The following DCAF10 variants were observed in gnomAD, a reference collection of about 807,000 sequenced individuals.
The protein encoded by DCAF10 is DDB1 and CUL4 associated factor 10.
In DCAF10, 19 loss-of-function variants were observed where a neutral mutation model predicts 51.9. The observed-to-expected ratio is 0.37, with a 90% confidence interval of 0.26 to 0.54. The LOEUF (loss-of-function observed/expected upper bound fraction) is 0.54. Among genes scored for constraint, DCAF10 ranks in the 20% least tolerant of loss-of-function variants. The probability of loss-of-function intolerance (pLI) is 0.87; values close to 1 mark genes in which losing one functional copy is unlikely to be tolerated. For missense variants in DCAF10, 510 were observed against 730.6 expected (o/e 0.70, Z 3.48); for synonymous variants, 291 against 297.1 (o/e 0.98, Z 0.21).
At chr9:37,822,414 T>TATATATATATATATATATATAC (rs1829732205) in intron 2 of DCAF10, among the ~76,000 whole-genome samples, 2 of 41,262 alleles carry the variant, frequency 4.8e-5, no homozygotes. Context: ...GATATATATA[T>TATATATATATATATATATATAC]ATATATATAT....
chr9:37,852,395 C>T (rs1205908202), intron 3 of DCAF10, among the ~76,000 whole-genome samples: 3 of 152,000 alleles, frequency 2.0e-5, no homozygotes, highest in Non-Finnish European at 2.9e-5. Flanking sequence ...CCAGGAGTTC[C>T]AAGACTAGCC....
chr9:37,839,327 T>G (rs1026857652), intron 2 of DCAF10, among the ~76,000 whole-genome samples: 2 of 152,202 alleles, frequency 1.3e-5, no homozygotes, highest in South Asian at 2.1e-4. Flanking sequence ...CTCAAAGTGC[T>G]GGGATTACAG....
chr9:37,830,058 T>A (rs992982027), intron 2 of DCAF10, among the ~76,000 whole-genome samples: 1 of 151,636 alleles, frequency 6.6e-6, no homozygotes, highest in Non-Finnish European at 1.5e-5. Context: ...CACGGAGGTA[T>A]ATGAAGAAGA....
chr9:37,837,839 G>T (rs1830216232), intron 2 of DCAF10, among the ~76,000 whole-genome samples: 1 of 145,056 alleles, frequency 6.9e-6, no homozygotes, highest in African/African-American at 2.7e-5. Flanking sequence ...CATACTGCTT[G>T]TGTGTCAAAA....
At chr9:37,832,861 G>A (rs1001316287) in intron 2 of DCAF10, among the ~76,000 whole-genome samples, 2 of 151,730 alleles carry the variant, frequency 1.3e-5, no homozygotes, top group Non-Finnish European at 2.9e-5. Context: ...TCTGTTTTAG[G>A]TTTTGTTTTG....
intron 2 of DCAF10, among the ~76,000 whole-genome samples, chr9:37,823,641 TTA>T (rs1564031447): frequency 6.6e-6 from 1 of 152,016 alleles, no homozygotes. Flanking sequence ...AAACTCTAAA[TTA>T]GCACTATCCA....
intron 1 of DCAF10, among the ~76,000 whole-genome samples, chr9:37,808,787 T>A (rs373586645): frequency 4.7e-4 from 5 of 10,730 alleles, no homozygotes; most frequent in Non-Finnish European, 1.3e-3. Flanking sequence ...TATTATATAT[T>A]TTATATTTTT....
chr9:37,819,314 A>G lies in DCAF10; in HGVS notation c.566A>G (p.Gln189Arg). The G allele has an allele frequency of 6.2e-7, 1 of 1,613,896 alleles. No individual in the cohort carries two copies. Among genetic ancestry groups the G allele is most frequent in the African/African-American group, 1.3e-5 (1 of 75,052 alleles). ...DGSVLTVACE[Q>R]TEVLLFDPIS... is the part of the protein sequence containing the mutation. ...TCAGTGCTGACAGTTGCTTGTGAAC[A>G]AACTGAAGTTCTGCTTTTTGACCCT... is the stretch of plus-strand genomic sequence containing the variant. Residue 189 changes from glutamine (Q) to arginine (R), a missense_variant, in exon 2 of 7, where the codon CAA becomes CGA. By Grantham distance (43) the Gln-to-Arg change is conservative (BLOSUM62 1). Transcript: ENST00000377724.
At chr9:37,844,307 G>A (rs1055089128) in intron 3 of DCAF10, among the ~76,000 whole-genome samples, 4 of 151,876 alleles carry the variant, frequency 2.6e-5, no homozygotes, top group African/African-American at 4.8e-5. Context: ...GATCACTTGC[G>A]GTCAGGAGAC....
At chr9:37,832,606 T>C (rs1348971476) in intron 2 of DCAF10, among the ~76,000 whole-genome samples, 1 of 152,258 alleles carries the variant, frequency 6.6e-6, no homozygotes, top group Non-Finnish European at 1.5e-5. Context: ...CGAAATTTCT[T>C]ATCTTACAAA....
At chr9:37,831,818 C>T (rs749667088) in intron 2 of DCAF10, among the ~76,000 whole-genome samples, 44 of 151,920 alleles carry the variant, frequency 2.9e-4, no homozygotes, top group Non-Finnish European at 5.4e-4. Flanking sequence ...GCGTGGTGGC[C>T]GGCATCTGTA....
chr9:37,820,397 A>G lies in DCAF10; in HGVS notation c.653+996A>G, dbSNP rs12683573. Among the ~76,000 whole-genome samples, 1,102 of 152,328 alleles carry G rather than the reference A, an allele frequency of 7.2e-3. 17 individuals carry two copies. The highest frequency in any genetic ancestry group is 0.039 in the Admixed American group (591 of 15,296). On this transcript the variant is annotated intron_variant, in intron 2 of 6. Transcript: ENST00000377724. ...CTCCTGTCAGGTAAAAGGATTAAGAAGTGCTTAAGTGTTTCATGCGAGGCA... is the reference window on the plus strand; with the variant it reads ...CTCCTGTCAGGTAAAAGGATTAAGAGGTGCTTAAGTGTTTCATGCGAGGCA...
At chr9:37,836,490 T>C in intron 2 of DCAF10, 1 of 1,032,536 alleles carries the variant, frequency 9.7e-7, no homozygotes. Flanking sequence ...CTGAGATGAT[T>C]TGAGTCTGCC....
chr9:37,854,702 A>G, intron 3 of DCAF10, 78 bp from the exon 4 acceptor site: 3 of 1,385,614 alleles, frequency 2.2e-6, no homozygotes, highest in Middle Eastern at 3.8e-4. Context: ...TTTATTTTGA[A>G]GGGCAAAAAA....
intron 2 of DCAF10, among the ~76,000 whole-genome samples, chr9:37,823,440 T>C (rs1362147835): frequency 6.6e-6 from 1 of 152,136 alleles, no homozygotes; most frequent in Non-Finnish European, 1.5e-5. Context: ...ATAGTTGATA[T>C]CAGGAGAAAA....
At chr9:37,845,739 A>G (rs146963585) in intron 3 of DCAF10, among the ~76,000 whole-genome samples, 290 of 152,230 alleles carry the variant, frequency 1.9e-3, no homozygotes, top group African/African-American at 6.6e-3. Context: ...CTTACACAAT[A>G]TGGCGATTCC....
At chr9:37,835,332 A>C (rs1391292832) in intron 2 of DCAF10, among the ~76,000 whole-genome samples, 1 of 152,060 alleles carries the variant, frequency 6.6e-6, no homozygotes, top group African/African-American at 2.4e-5. Flanking sequence ...TAATCCCAGC[A>C]CTTTGGGAGG....
rs1316691752 is a variant in DCAF10, at chr9:37,814,092, A to T, written c.540-5196A>T. ...AAACTATTTGTCACTATATATATAT[A>T]TATATATATATATATATATATATAT... On this transcript the variant is annotated intron_variant, in intron 1 of 6. Transcript: ENST00000377724. 2.9e-3 allele frequency among the ~76,000 whole-genome samples: 246 copies of T among 85,804 alleles called. 13 individuals are homozygous for T. The highest frequency in any genetic ancestry group is 0.012 in the African/African-American group (220 of 17,942). The allele number at this position is 85,804 out of a possible 152,430, so 56.3% of individuals were successfully genotyped here. A position where few individuals can be genotyped will look rare whatever the true frequency, so the allele number is the denominator to read the frequency against.
At chr9:37,844,534 C>T (rs936684115) in intron 3 of DCAF10, among the ~76,000 whole-genome samples, 1 of 152,168 alleles carries the variant, frequency 6.6e-6, no homozygotes, top group Non-Finnish European at 1.5e-5. Flanking sequence ...ACCTGTAATC[C>T]CAGCTACTTG....
Sources: allele counts gnomAD v4.1 joint callset (sites outside exome capture counted in the v4.1 genomes callset), GRCh38; gene constraint gnomAD v4.1.1; transcripts MANE v1.5; gene names NCBI Gene and HGNC (gene_info 2026-07-23, HGNC 2026-07-21).